The following WDFY1 variants were observed in gnomAD, a reference collection of about 807,000 sequenced individuals.
WDFY1 encodes WD repeat and FYVE domain containing 1.
In WDFY1, 32 loss-of-function variants were observed where a neutral mutation model predicts 56.4. That is an observed-to-expected ratio of 0.57 (90% CI 0.43 to 0.76). The LOEUF (loss-of-function observed/expected upper bound fraction) is 0.76, where lower values mean the gene tolerates loss of function less well. WDFY1 is among the 30% of genes least tolerant of loss of function. The pLI is 0.00. For synonymous variants in WDFY1, 192 were observed against 197.3 expected (o/e 0.97, Z 0.23); for missense variants, 480 against 545.7 (o/e 0.88, Z 1.20).
rs1574780980 is a variant in WDFY1, at chr2:223,932,226, C to T, written c.137+12922G>A. On this transcript the variant is annotated intron_variant, in intron 1 of 11. Coordinates refer to ENST00000233055, the MANE Select transcript of WDFY1 (RefSeq NM_020830.5). ...CAAGCTCCACCTCCTGGGTTCACGC[C>T]ATTCTCCTGCCTCAGCCTCCCGAGC... Among the ~76,000 whole-genome samples the T allele has an allele frequency of 2.6e-5, 4 of 151,074 alleles. No homozygotes were observed. The South Asian group carries it at 8.4e-4, about 32-fold the overall frequency.
intron 6 of WDFY1, among the ~76,000 whole-genome samples, chr2:223,898,380 A>G (rs1382699168): frequency 2.0e-5 from 3 of 152,160 alleles, no homozygotes; most frequent in African/African-American, 7.2e-5. Flanking sequence ...AGGTCTTCCC[A>G]GCACAATAAC....
chr2:223,882,933 T>C (rs889017824), intron 9 of WDFY1, among the ~76,000 whole-genome samples: 5 of 152,132 alleles, frequency 3.3e-5, no homozygotes, highest in Non-Finnish European at 5.9e-5. Flanking sequence ...CTTGCTATGT[T>C]GTCCAGGCTG....
chr2:223,945,027 G>A, intron 1 of WDFY1, 121 bp downstream of exon 1: 2 of 1,174,072 alleles, frequency 1.7e-6, no homozygotes, highest in Admixed American at 2.9e-5. Context: ...CGCAGAGTGG[G>A]GGTGGGGCCG....
Position 223,884,759 on chromosome 2 carries a change from C to G in WDFY1, c.832-10G>C. The G allele has an allele frequency of 3.1e-6, 5 of 1,613,230 alleles. No homozygotes were observed. The highest frequency in any genetic ancestry group is 4.2e-6 in the Non-Finnish European group (5 of 1,179,398). On this transcript the variant is annotated splice_polypyrimidine_tract_variant and intron_variant, in intron 8 of 11. Transcript: ENST00000233055. Reference sequence around the variant, plus strand: ...CCAACCACTGAGGAGCCTGGGGGAGCAGAAAGTCAAAGCCACCATCAGTGT... The same window carrying G: ...CCAACCACTGAGGAGCCTGGGGGAGGAGAAAGTCAAAGCCACCATCAGTGT...
In WDFY1 at chr2:223,880,208, A is replaced by G; in HGVS notation, c.1089T>C (p.His363=). Residue 363 remains histidine (H), a synonymous_variant, in exon 11 of 12, where the codon CAT becomes CAC. Coordinates refer to ENST00000233055, the MANE Select transcript of WDFY1 (RefSeq NM_020830.5). ...TGTGGGAAATGTTATGTTTTCCTTC[A>G]TGAAAGGTCGCTAGAGAAGTCCGAC... The part of the protein sequence containing the change: ...DEDRTSLATF[H]EGKHNISHMS... 1 of 1,614,098 alleles carries G rather than the reference A, an allele frequency of 6.2e-7. No individual in the cohort carries two copies. Among genetic ancestry groups the G allele is most frequent in the Non-Finnish European group, 8.5e-7 (1 of 1,179,986 alleles).
chr2:223,903,648 GT>G (rs1195334020), intron 4 of WDFY1, among the ~76,000 whole-genome samples: 11 of 9,252 alleles, frequency 1.2e-3, no homozygotes, highest in South Asian at 5.9e-3. Flanking sequence ...CACGTTTTTT[GT>G]TTTTTTTTTT....
chr2:223,884,932 C>T (rs1693147137), intron 8 of WDFY1, among the ~76,000 whole-genome samples, 183 bp from the exon 9 acceptor site: 1 of 150,058 alleles, frequency 6.7e-6, no homozygotes, highest in Non-Finnish European at 1.5e-5. Context: ...ACCTCTGCCT[C>T]CTGGATTCAA....
At chr2:223,919,172 C>T (rs1463092857) in intron 1 of WDFY1, among the ~76,000 whole-genome samples, 1 of 152,134 alleles carries the variant, frequency 6.6e-6, no homozygotes, top group Non-Finnish European at 1.5e-5. Flanking sequence ...ACCTTACTGT[C>T]CCCACTGCCA....
chr2:223,934,418 T>C (rs890108951), intron 1 of WDFY1, among the ~76,000 whole-genome samples: 2 of 152,202 alleles, frequency 1.3e-5, no homozygotes, highest in Non-Finnish European at 2.9e-5. Context: ...TTACGTTCCA[T>C]GCTTCTTTTT....
At chr2:223,904,617 CTTATTA>C (rs1475146021) in intron 4 of WDFY1, among the ~76,000 whole-genome samples, 1 of 152,040 alleles carries the variant, frequency 6.6e-6, no homozygotes, top group Non-Finnish European at 1.5e-5. Context: ...ATTTGGCCTT[CTTATTA>C]AAGTATCCTA....
At chr2:223,925,232 A>G (rs1463356813) in intron 1 of WDFY1, among the ~76,000 whole-genome samples, 1 of 133,566 alleles carries the variant, frequency 7.5e-6, no homozygotes, top group East Asian at 2.1e-4. Context: ...AAAAAAAAAA[A>G]GCATAACACA....
At chr2:223,936,364 C>T (rs1265184564) in intron 1 of WDFY1, among the ~76,000 whole-genome samples, 1 of 152,066 alleles carries the variant, frequency 6.6e-6, no homozygotes, top group Non-Finnish European at 1.5e-5. Context: ...GCCCGGCCCC[C>T]AAAGTCCTTT....
Position 223,884,764 on chromosome 2 carries a change from A to G in WDFY1, c.832-15T>C, listed in dbSNP as rs1574757468. ...CACTGAGGAGCCTGGGGGAGCAGAA[A>G]GTCAAAGCCACCATCAGTGTGTCTA... On this transcript the variant is annotated splice_polypyrimidine_tract_variant and intron_variant, in intron 8 of 11. Coordinates refer to ENST00000233055, the MANE Select transcript of WDFY1 (RefSeq NM_020830.5). The G allele has an allele frequency of 6.2e-7, 1 of 1,611,262 alleles. No individual in the cohort carries two copies. The highest frequency in any genetic ancestry group is 2.2e-5 in the East Asian group (1 of 44,860).
chr2:223,926,819 A>C (rs1013265073), intron 1 of WDFY1, among the ~76,000 whole-genome samples: 3 of 152,038 alleles, frequency 2.0e-5, no homozygotes, highest in Non-Finnish European at 4.4e-5. Context: ...AGATGTGCAA[A>C]ACTGTGCCTG....
intron 1 of WDFY1, among the ~76,000 whole-genome samples, chr2:223,937,452 C>G (rs986368637): frequency 1.3e-5 from 2 of 152,162 alleles, no homozygotes; most frequent in African/African-American, 4.8e-5. Flanking sequence ...ACAATAACAA[C>G]TAACACTTGC....
Position 223,878,038 on chromosome 2 carries a change from G to C in WDFY1, c.*633C>G, listed in dbSNP as rs1448435596. The C allele has an allele frequency of 6.6e-6, 1 of 152,632 alleles. No individual in the cohort carries two copies. Among genetic ancestry groups the C allele is most frequent in the Non-Finnish European group, 1.5e-5 (1 of 68,046 alleles). The allele number at this position is 152,632 out of a possible 1,614,324, so 9.5% of individuals were successfully genotyped here. A position where few individuals can be genotyped will look rare whatever the true frequency, so the allele number is the denominator to read the frequency against. On this transcript the variant is annotated 3_prime_UTR_variant, in exon 12 of 12. Transcript: ENST00000233055. ...TGACAACCCCGAAAGTTCACCTGTG[G>C]CATACTGGCTGGGAAGAGAAACAAC...
chr2:223,925,356 T>C (rs1340586555), intron 1 of WDFY1, among the ~76,000 whole-genome samples: 2 of 152,192 alleles, frequency 1.3e-5, no homozygotes, highest in East Asian at 1.9e-4. Flanking sequence ...AGTTACACTA[T>C]AGTCTGTTAA....
At chr2:223,942,320 C>T (rs938784360) in intron 1 of WDFY1, among the ~76,000 whole-genome samples, 3 of 151,524 alleles carry the variant, frequency 2.0e-5, no homozygotes, top group Non-Finnish European at 2.9e-5. Flanking sequence ...CCCAGGTTCA[C>T]GCCATTCTCC....
At chr2:223,881,652 G>A (rs1036044520) in intron 10 of WDFY1, among the ~76,000 whole-genome samples, 2 of 152,082 alleles carry the variant, frequency 1.3e-5, no homozygotes, top group Non-Finnish European at 2.9e-5. Context: ...TAGCCAGGTG[G>A]TGGGGGGCGC....
Sources: gnomAD v4.1 joint callset for allele counts (sites outside exome capture counted in the v4.1 genomes callset) on GRCh38, gnomAD v4.1.1 for gene constraint, MANE v1.5 for transcripts, NCBI Gene and HGNC (gene_info 2026-07-23, HGNC 2026-07-21) for gene names.